Variants in ITFG2 observed in about 807,000 individuals in gnomAD.
ITFG2 encodes integrin alpha FG-GAP repeat containing 2.
In ITFG2, 36 loss-of-function variants were observed where a neutral mutation model predicts 54.4. The ratio of observed to expected loss-of-function variants is 0.66; its 90% CI spans 0.51 to 0.87. The LOEUF is 0.87. Ranked by LOEUF, ITFG2 falls within the 40% of genes least tolerant of loss-of-function variation. The pLI is 0.00. For missense variants in ITFG2, 524 were observed against 576.7 expected (o/e 0.91, Z 0.94); for synonymous variants, 211 against 225.4 (o/e 0.94, Z 0.57).
At chr12:2,833,667 C>G (rs2098014205), upstream of ITFG2, among the ~76,000 whole-genome samples, 1 of 152,138 alleles carries the variant, frequency 6.6e-6, no homozygotes, top group South Asian at 2.1e-4. Flanking sequence ...CAAAGGATTT[C>G]CTCTCTTCCA....
Position 2,812,843 on chromosome 12 carries a change from T to C in ITFG2, c.83T>C (p.Val28Ala), listed in dbSNP as rs1237836900. 2.5e-6 allele frequency: 4 copies of C among 1,611,910 alleles called. No homozygotes were observed. The Admixed American group carries it at 6.7e-5, about 27-fold the overall frequency. ...CCGCACGCAATCTGCCTCGGAGACG[T>C]TGATAACGATACGGTAGGTGCATGC... The part of the protein sequence containing the change: ...LFPHAICLGD[V>A]DNDTLNELVV... Residue 28 changes from valine (V) to alanine (A), a missense_variant, in exon 1 of 12, where the codon GTT becomes GCT. Val to Ala is a moderately conservative substitution (Grantham distance 64). Transcript: ENST00000228799.
chr12:2,854,889 G>T, intron 2 of ITFG2: 3 of 1,531,076 alleles, frequency 2.0e-6, no homozygotes, highest in Non-Finnish European at 2.6e-6. Context: ...AGGAGGCACC[G>T]TCTTACTTCT....
chr12:2,834,780 C>G, upstream of ITFG2: 1 of 1,613,734 alleles, frequency 6.2e-7, no homozygotes, highest in Non-Finnish European at 8.5e-7. Context: ...GTGCCTCCTG[C>G]CCCCTCGTCC....
At chr12:2,819,371 G>A (rs924314475) in intron 4 of ITFG2, among the ~76,000 whole-genome samples, 1 of 152,134 alleles carries the variant, frequency 6.6e-6, no homozygotes, top group Non-Finnish European at 1.5e-5. Flanking sequence ...GGGAGGCTGA[G>A]GCAGGAGAAT....
In ITFG2 at chr12:2,821,280, A is replaced by T. The variant is rs759220240; in HGVS notation, c.714A>T (p.Arg238=). ...TGCACAGGGAGACCCCAGCTGCCCGAGACGTGGTGCTGCACCAGACATCTG... is the reference window on the plus strand; with the variant it reads ...TGCACAGGGAGACCCCAGCTGCCCGTGACGTGGTGCTGCACCAGACATCTG... The part of the protein sequence containing the change: ...TDGSRETPAA[R]DVVLHQTSGR... Residue 238 remains arginine, a synonymous_variant, in exon 7 of 12, where the codon CGA becomes CGT. Transcript: ENST00000228799. 13 of 1,608,512 alleles carry T rather than the reference A, an allele frequency of 8.1e-6. 1 individual carries two copies. In the East Asian group the frequency reaches 2.5e-4, roughly 30 times the overall value.
rs140728858 is a variant in ITFG2, at chr12:2,820,752, C to T, written c.575C>T (p.Pro192Leu). 1.8e-5 allele frequency: 29 copies of T among 1,613,800 alleles called. No individual in the cohort carries two copies. Among genetic ancestry groups the T allele is most frequent in the Admixed American group, 5.0e-5 (3 of 59,990 alleles). Residue 192 changes from proline to leucine, a missense_variant, in exon 6 of 12, where the codon CCA (proline) becomes CTA (leucine). Coordinates refer to ENST00000228799, the MANE Select transcript of ITFG2 (RefSeq NM_018463.4). ...QVDSLSVTLGPLGLPELMVSQ... is the reference protein window; with the variant it reads ...QVDSLSVTLGLLGLPELMVSQ... ...GACAGCCTCTCAGTGACTCTGGGGC[C>T]ACTGGGTCTTCCTGAACTGATGGTG...
In ITFG2 at chr12:2,818,226, T is replaced by C; in HGVS notation, c.355T>C (p.Phe119Leu). Residue 119 changes from phenylalanine to leucine, a missense_variant, in exon 4 of 12, where the codon TTC becomes CTC. Phe to Leu is a conservative substitution (Grantham distance 22, BLOSUM62 0). Coordinates refer to ENST00000228799, the MANE Select transcript of ITFG2 (RefSeq NM_018463.4). ...TLIGEEQRPV[F>L]KQHIPANTKV... ...AATCGGAGAGGAGCAGCGTCCAGTCTTCAAGCAGCACATCCCTGCCAACAC... is the reference window on the plus strand; with the variant it reads ...AATCGGAGAGGAGCAGCGTCCAGTCCTCAAGCAGCACATCCCTGCCAACAC... 6.2e-7 allele frequency: 1 copy of C among 1,613,920 alleles called. No homozygotes were observed.
intron 2 of ITFG2, among the ~76,000 whole-genome samples, chr12:2,846,378 C>T (rs535328952): frequency 6.6e-6 from 1 of 152,300 alleles, no homozygotes; most frequent in South Asian, 2.1e-4. Context: ...AATCTTCTTG[C>T]CCACCCTCTA....
At position 2,851,038 on chromosome 12, in the gene ITFG2, G is replaced by A. The variant is rs142271088; in HGVS notation, n.301-6974G>A. ...CTCGCTTAGCCAGGCATGGTGGCAC[G>A]TGCCTGTAATCCCAGCTACTTGGGA... is the stretch of plus-strand genomic sequence containing the variant. On this transcript the variant is annotated intron_variant and non_coding_transcript_variant, in intron 2 of 3. Coordinates refer to the ITFG2 transcript ENST00000537710. 2.2e-3 allele frequency among the ~76,000 whole-genome samples: 293 copies of A among 134,360 alleles called. 3 individuals carry two copies. Among genetic ancestry groups the A allele is most frequent in the African/African-American group, 7.3e-3 (255 of 34,982 alleles). The allele number at this position is 134,360 out of a possible 152,430, so 88.1% of individuals were successfully genotyped here.
At chr12:2,816,852 G>A (rs1292593359) in intron 1 of ITFG2, among the ~76,000 whole-genome samples, 1 of 145,584 alleles carries the variant, frequency 6.9e-6, no homozygotes, top group African/African-American at 2.7e-5. Flanking sequence ...ATGTTGGCTA[G>A]GCTGGTCTCG....
Position 2,821,764 on chromosome 12 carries a change from T to G in ITFG2, c.920T>G (p.Leu307Arg). The G allele has an allele frequency of 6.2e-7, 1 of 1,613,866 alleles. No individual in the cohort carries two copies. The highest frequency in any genetic ancestry group is 8.5e-7 in the Non-Finnish European group (1 of 1,179,814). ...TGGTCAGTGCAGGTGGATCACCAGC[T>G]CTTTGCCCTGGAGAAACTGGATGTC... Reference protein sequence around the residue: ...LLWSVQVDHQLFALEKLDVTG... With the variant: ...LLWSVQVDHQRFALEKLDVTG... The change falls in exon 9 of 12, where the codon CTC becomes CGC. Residue 307 changes from leucine (L) to arginine (R), a missense_variant. Leu to Arg is a moderately radical substitution (Grantham distance 102). Transcript: ENST00000228799.
downstream of ITFG2, chr12:2,827,915 G>T (rs778437100): frequency 3.1e-6 from 5 of 1,613,764 alleles, no homozygotes; most frequent in African/African-American, 2.7e-5. This position sits in a 1 kb window ranked among gnomAD's most constrained non-coding sequence, Gnocchi z 4.0. Flanking sequence ...GTTGCAGAAG[G>T]GGGGACTTAC....
intron 2 of ITFG2, among the ~76,000 whole-genome samples, chr12:2,842,681 A>T (rs2098044405): frequency 6.6e-6 from 1 of 152,250 alleles, no homozygotes; most frequent in African/African-American, 2.4e-5. Flanking sequence ...ACAGCGAGCC[A>T]AGATCATGCC....
chr12:2,849,350 T>C (rs1393693978), intron 2 of ITFG2: 1 of 1,536,162 alleles, frequency 6.5e-7, no homozygotes, highest in Non-Finnish European at 8.7e-7. Flanking sequence ...AAATCCCTTA[T>C]GAGGTCCTGG....
chr12:2,828,503 C>T (rs530207844), downstream of ITFG2: 7 of 1,002,044 alleles, frequency 7.0e-6, no homozygotes, highest in South Asian at 9.4e-5. Context: ...ATTGATGATT[C>T]CCTCCTAGAA....
rs150335236 is a variant in ITFG2, at chr12:2,850,653, TTTTTGTTTTG to T, written n.301-7331_301-7322del. Among the ~76,000 whole-genome samples, 564 of 97,698 alleles carry T rather than the reference TTTTTGTTTTG, an allele frequency of 5.8e-3. 6 individuals are homozygous for T. The highest frequency in any genetic ancestry group is 0.026 in the African/African-American group (441 of 16,722). 64.1% of individuals were successfully genotyped at this position (97,698 alleles called of 152,430 possible). A position where few individuals can be genotyped will look rare whatever the true frequency, so the allele number is the denominator to read the frequency against. On this transcript the variant is annotated intron_variant and non_coding_transcript_variant, in intron 2 of 3. Transcript: ENST00000537710. ...CTCACTGACTGATCCAGAGTCTTTG[TTTTTGTTTTG>T]TTTTGTTTTGTTTTGTTTTGTTTTG...
Position 2,855,745 on chromosome 12 carries a change from C to T in ITFG2, n.301-2267C>T, listed in dbSNP as rs148156340. On this transcript the variant is annotated intron_variant and non_coding_transcript_variant, in intron 2 of 3. Transcript: ENST00000537710. Reference sequence around the variant, plus strand: ...ACTCTTTACCTTCACCTCCCTCCTCCGTTCTGGCATCCCCACATTCCCACC... The same window carrying T: ...ACTCTTTACCTTCACCTCCCTCCTCTGTTCTGGCATCCCCACATTCCCACC... Among the ~76,000 whole-genome samples the T allele has an allele frequency of 5.2e-3, 793 of 152,308 alleles. 7 individuals carry two copies. Among genetic ancestry groups the T allele is most frequent in the African/African-American group, 0.018 (750 of 41,578 alleles).
chr12:2,855,117 G>T lies in ITFG2; in HGVS notation n.301-2895G>T, dbSNP rs540502018. The T allele has an allele frequency of 2.8e-4, 434 of 1,533,500 alleles. 2 individuals carry two copies. The South Asian group carries it at 3.4e-3, about 12-fold the overall frequency. The allele number at this position is 1,533,500 out of a possible 1,614,324, so 95.0% of individuals were successfully genotyped here. A position where few individuals can be genotyped will look rare whatever the true frequency, so the allele number is the denominator to read the frequency against. ...AGGGAGGGGGGATGGGGTGCTCCGTGGGGGGGCATCTGTGGGCATTGGAGT... is the reference window on the plus strand; with the variant it reads ...AGGGAGGGGGGATGGGGTGCTCCGTTGGGGGGCATCTGTGGGCATTGGAGT... On this transcript the variant is annotated intron_variant and non_coding_transcript_variant, in intron 2 of 3. Transcript: ENST00000537710.
At chr12:2,821,130 C>T (rs2097942694) in intron 6 of ITFG2, 132 bp from the exon 7 acceptor site, 2 of 781,296 alleles carry the variant, frequency 2.6e-6, no homozygotes, top group Non-Finnish European at 4.2e-6. Flanking sequence ...GCCACATGGG[C>T]CAGATAGGGT....
Sources: gnomAD v4.1 joint callset for allele counts (sites outside exome capture counted in the v4.1 genomes callset) on GRCh38, gnomAD v4.1.1 for gene constraint, Gnocchi (gnomAD v3.1) non-coding constraint, MANE v1.5 for transcripts, NCBI Gene and HGNC (gene_info 2026-07-23, HGNC 2026-07-21) for gene names.